Variants in MAP3K5 observed in about 807,000 individuals in gnomAD.
MAP3K5 encodes ASK-1.
A neutral mutation model predicts 158.7 loss-of-function variants in MAP3K5; 56 were observed. The ratio of observed to expected loss-of-function variants is 0.35; its 90% CI spans 0.28 to 0.44. The LOEUF (loss-of-function observed/expected upper bound fraction) is 0.44, where lower values mean the gene tolerates loss of function less well. MAP3K5 is among the 20% of genes least tolerant of loss of function. The pLI, the probability that MAP3K5 is intolerant of heterozygous loss-of-function variation, is 1.00. For missense variants in MAP3K5, 1,294 were observed against 1,674.8 expected (o/e 0.77, Z 3.97); for synonymous variants, 579 against 601.7 (o/e 0.96, Z 0.55).
intron 1 of MAP3K5, among the ~76,000 whole-genome samples, chr6:136,779,994 T>C (rs1784552049): frequency 6.6e-6 from 1 of 152,166 alleles, no homozygotes; most frequent in East Asian, 1.9e-4. Flanking sequence ...TAAAAGCACT[T>C]GGAGAGACAG....
At chr6:136,619,113 G>T (rs1298942899) in intron 15 of MAP3K5, among the ~76,000 whole-genome samples, 1 of 152,210 alleles carries the variant, frequency 6.6e-6, no homozygotes, top group Non-Finnish European at 1.5e-5. Flanking sequence ...AAAGAGCTGG[G>T]ACCGGACACA....
intron 1 of MAP3K5, among the ~76,000 whole-genome samples, chr6:136,751,976 A>T (rs573383261): frequency 7.2e-5 from 11 of 152,180 alleles, no homozygotes; most frequent in Non-Finnish European, 1.5e-4. Context: ...CATCTCTGGT[A>T]TTATTTTTTA....
At chr6:136,647,290 T>A (rs746454292) in intron 11 of MAP3K5, among the ~76,000 whole-genome samples, 1 of 152,216 alleles carries the variant, frequency 6.6e-6, no homozygotes, top group African/African-American at 2.4e-5. Context: ...GCTAAATGAT[T>A]TCCATTCATC....
intron 2 of MAP3K5, among the ~76,000 whole-genome samples, chr6:136,710,643 C>T (rs1197094362): frequency 1.3e-5 from 2 of 152,146 alleles, no homozygotes; most frequent in Admixed American, 6.6e-5. Flanking sequence ...TAGGTAACTG[C>T]AGCCAGCGAA....
At chr6:136,685,913 G>C (rs1264998424) in intron 7 of MAP3K5, among the ~76,000 whole-genome samples, 2 of 152,172 alleles carry the variant, frequency 1.3e-5, no homozygotes, top group Non-Finnish European at 1.5e-5. Flanking sequence ...TGACAGGGCA[G>C]GTTTCCTTCT....
chr6:136,748,462 T>C (rs939398337), intron 1 of MAP3K5, among the ~76,000 whole-genome samples: 6 of 152,170 alleles, frequency 3.9e-5, no homozygotes, highest in South Asian at 4.1e-4. Flanking sequence ...AAAATGTCTA[T>C]ATATGTATGC....
At chr6:136,631,053 C>T (rs1777326543) in intron 14 of MAP3K5, among the ~76,000 whole-genome samples, 1 of 150,934 alleles carries the variant, frequency 6.6e-6, no homozygotes, top group Non-Finnish European at 1.5e-5. Flanking sequence ...GAGCCGAGAT[C>T]ACACCACTGC....
At chr6:136,768,275 C>T (rs1784042086) in intron 1 of MAP3K5, among the ~76,000 whole-genome samples, 2 of 152,136 alleles carry the variant, frequency 1.3e-5, no homozygotes, top group Admixed American at 6.5e-5. Flanking sequence ...AAACAACCCA[C>T]AAGATGATAG....
chr6:136,626,697 T>G (rs1488383684), intron 14 of MAP3K5, among the ~76,000 whole-genome samples: 2 of 152,118 alleles, frequency 1.3e-5, no homozygotes, highest in African/African-American at 4.8e-5. Context: ...TTTGCCGATG[T>G]GCCCTCTCAA....
At chr6:136,774,726 G>A (rs955466499) in intron 1 of MAP3K5, among the ~76,000 whole-genome samples, 24 of 152,160 alleles carry the variant, frequency 1.6e-4, no homozygotes, top group Non-Finnish European at 2.5e-4. Flanking sequence ...CACCACTGGG[G>A]GGAAAGTGTG....
At chr6:136,737,041 A>ATATATATATATATATATATATGTGTG (rs1562658974) in intron 1 of MAP3K5, among the ~76,000 whole-genome samples, 7 of 143,234 alleles carry the variant, frequency 4.9e-5, no homozygotes, top group African/African-American at 2.0e-4. Flanking sequence ...GTGTGTGTAT[A>ATATATATATATATATATATATGTGTG]TATATATATA....
chr6:136,725,917 C>G (rs928428516), intron 1 of MAP3K5, among the ~76,000 whole-genome samples: 2 of 152,176 alleles, frequency 1.3e-5, no homozygotes, highest in South Asian at 2.1e-4. Flanking sequence ...TAAAGACTGT[C>G]CTTTCTCCAT....
chr6:136,694,384 A>G, intron 6 of MAP3K5, 74 bp from the exon 7 acceptor site: 1 of 1,212,474 alleles, frequency 8.2e-7, no homozygotes, highest in Non-Finnish European at 1.1e-6. Flanking sequence ...TAAAAACCCT[A>G]TTTAACATGT....
intron 1 of MAP3K5, among the ~76,000 whole-genome samples, chr6:136,722,667 T>A (rs1583478477): frequency 7.0e-6 from 1 of 143,362 alleles, no homozygotes; most frequent in East Asian, 2.1e-4. Context: ...CTTTTCTTTT[T>A]TTTTTCCTTT....
intron 7 of MAP3K5, among the ~76,000 whole-genome samples, chr6:136,669,736 A>G (rs374806189): frequency 6.6e-6 from 1 of 152,188 alleles, no homozygotes; most frequent in Non-Finnish European, 1.5e-5. Context: ...AATATCCAAT[A>G]ATATTATACA....
At chr6:136,782,121 T>C (rs1331175828) in intron 1 of MAP3K5, among the ~76,000 whole-genome samples, 1 of 149,390 alleles carries the variant, frequency 6.7e-6, no homozygotes, top group Non-Finnish European at 1.5e-5. Context: ...AAATAATAAA[T>C]AGGAGTAATT....
chr6:136,599,712 G>C (rs1285703022), intron 21 of MAP3K5, among the ~76,000 whole-genome samples: 4 of 152,176 alleles, frequency 2.6e-5, no homozygotes, highest in Non-Finnish European at 4.4e-5. Flanking sequence ...AGTAGGTAAT[G>C]TTACCAGCAC....
chr6:136,580,215 C>T, intron 25 of MAP3K5, 86 bp downstream of exon 25: 2 of 898,626 alleles, frequency 2.2e-6, no homozygotes. Context: ...TTTTAAAGTA[C>T]TAAGGTGATA....
chr6:136,653,736 T>C (rs922864875), intron 10 of MAP3K5, among the ~76,000 whole-genome samples: 1 of 152,222 alleles, frequency 6.6e-6, no homozygotes, highest in Non-Finnish European at 1.5e-5. Flanking sequence ...CATGTAAATA[T>C]AAGAAAACAA....
Sources: gnomAD v4.1 joint callset for allele counts (sites outside exome capture counted in the v4.1 genomes callset) on GRCh38, gnomAD v4.1.1 for gene constraint, MANE v1.5 for transcripts, NCBI Gene and HGNC (gene_info 2026-07-23, HGNC 2026-07-21) for gene names.